GPHN: variants seen among roughly 807,000 people sequenced by gnomAD.
GPHN encodes the protein gephyrin.
GPHN carries 17 observed loss-of-function variants against 95.5 expected under a neutral mutation model. The observed-to-expected ratio is 0.18, with a 90% confidence interval of 0.12 to 0.27. GPHN has a LOEUF of 0.27. Ranked by LOEUF, GPHN falls within the 10% of genes least tolerant of loss-of-function variation. The pLI is 1.00. For missense variants in GPHN, 660 were observed against 978.1 expected (o/e 0.67, Z 4.34); for synonymous variants, 320 against 322.5 (o/e 0.99, Z 0.08).
the GPHN span, chr14:67,200,519 T>A: frequency 3.5e-6 from 1 of 285,776 alleles, no homozygotes; most frequent in Non-Finnish European, 6.4e-6. Flanking sequence ...ATTTTGCAAA[T>A]GCACAGAGAA....
intron 9 of GPHN, among the ~76,000 whole-genome samples, chr14:67,007,495 T>C (rs903883826): frequency 6.6e-6 from 1 of 152,170 alleles, no homozygotes; most frequent in Admixed American, 6.5e-5. Context: ...ACTTCACCAA[T>C]TTATTAGTTT....
At chr14:67,458,549 G>C in the GPHN span, among the ~76,000 whole-genome samples, 2 of 152,130 alleles carry the variant, frequency 1.3e-5, no homozygotes, top group Non-Finnish European at 2.9e-5. Context: ...AAAAGCCTGT[G>C]AATCCCATAA....
chr14:67,650,561 A>T, the GPHN span: 1 of 640,418 alleles, frequency 1.6e-6, no homozygotes, highest in Non-Finnish European at 2.8e-6. Context: ...GGCCAAGAGG[A>T]TGAGGTGCAA....
chr14:66,776,347 G>T (rs2059382047), intron 2 of GPHN, 117 bp from the exon 3 acceptor site: 1 of 760,608 alleles, frequency 1.3e-6, no homozygotes, highest in Admixed American at 1.8e-5. Context: ...TTCCTCCATG[G>T]TTGTTGGGGT....
At chr14:66,806,209 G>C (rs778441334) in intron 3 of GPHN, among the ~76,000 whole-genome samples, 13 of 152,176 alleles carry the variant, frequency 8.5e-5, no homozygotes, top group Non-Finnish European at 1.8e-4. Flanking sequence ...TTCAGCCACT[G>C]CTGGAGCGGC....
At chr14:67,633,170 A>G in the GPHN span, among the ~76,000 whole-genome samples, 4 of 151,938 alleles carry the variant, frequency 2.6e-5, no homozygotes, top group African/African-American at 9.7e-5. Context: ...ATTAAGTTAC[A>G]CTTTTTAGGT....
rs142048522 is a variant in GPHN at position 66,553,668 on chromosome 14, C to A, written c.64+45077C>A. Among the ~76,000 whole-genome samples the A allele has an allele frequency of 4.2e-3, 640 of 152,230 alleles. 1 individual carries two copies. The highest frequency in any genetic ancestry group is 6.8e-3 in the Middle Eastern group (2 of 294). Reference sequence around the variant, plus strand: ...CTCTGTTCACTGCAACTTCTGCCTCCCGGGTTCAAGCAATTCTCCTGCGTC... The same window carrying A: ...CTCTGTTCACTGCAACTTCTGCCTCACGGGTTCAAGCAATTCTCCTGCGTC... On this transcript the variant is annotated intron_variant, in intron 1 of 22. Transcript: ENST00000478722.
the GPHN span, among the ~76,000 whole-genome samples, chr14:67,598,177 A>G: frequency 6.6e-6 from 1 of 152,184 alleles, no homozygotes; most frequent in African/African-American, 2.4e-5. Flanking sequence ...ACTCTCATAA[A>G]CAGTTTTGAA....
At chr14:67,521,359 C>T in the GPHN span, among the ~76,000 whole-genome samples, 2 of 152,116 alleles carry the variant, frequency 1.3e-5, no homozygotes, top group South Asian at 2.1e-4. Context: ...TAAAATGTCA[C>T]AGAGGGATGG....
At chr14:66,542,760 A>T (rs1224036466) in intron 1 of GPHN, among the ~76,000 whole-genome samples, 1 of 152,184 alleles carries the variant, frequency 6.6e-6, no homozygotes, top group African/African-American at 2.4e-5. Flanking sequence ...CCTTGAAAGG[A>T]TTATCTGTGC....
At chr14:67,316,158 G>A in the GPHN span, among the ~76,000 whole-genome samples, 1 of 152,144 alleles carries the variant, frequency 6.6e-6, no homozygotes, top group Admixed American at 6.5e-5. Flanking sequence ...GAAGCCACTT[G>A]TATCCTATAG....
chr14:66,772,818 A>G (rs2059230172), intron 2 of GPHN, among the ~76,000 whole-genome samples: 1 of 152,244 alleles, frequency 6.6e-6, no homozygotes, highest in Non-Finnish European at 1.5e-5. Flanking sequence ...ACAAAAAGCA[A>G]TAACGTATAC....
the GPHN span, among the ~76,000 whole-genome samples, chr14:67,671,176 A>G: frequency 6.6e-6 from 1 of 152,164 alleles, no homozygotes; most frequent in African/African-American, 2.4e-5. Flanking sequence ...TTCTAGGGAT[A>G]TGTATATATT....
intron 9 of GPHN, among the ~76,000 whole-genome samples, chr14:66,970,380 G>C (rs1164144909): frequency 6.6e-6 from 1 of 152,206 alleles, no homozygotes; most frequent in Non-Finnish European, 1.5e-5. Context: ...CTGAAAGGCA[G>C]TGTGAATTCC....
the GPHN span, among the ~76,000 whole-genome samples, chr14:67,709,701 T>A: frequency 6.6e-6 from 1 of 152,204 alleles, no homozygotes; most frequent in Non-Finnish European, 1.5e-5. Context: ...TGGCATCTTC[T>A]ACCAGGCCTG....
the GPHN span, among the ~76,000 whole-genome samples, chr14:67,651,982 A>G: frequency 6.6e-6 from 1 of 152,344 alleles, no homozygotes; most frequent in African/African-American, 2.4e-5. Context: ...TTGTTTACAT[A>G]AAGAATCCAA....
the GPHN span, among the ~76,000 whole-genome samples, chr14:67,322,531 C>T: frequency 2.0e-5 from 3 of 151,998 alleles, no homozygotes; most frequent in African/African-American, 7.3e-5. Flanking sequence ...AAGAGATGTA[C>T]ATAAAGGAGA....
chr14:67,276,344 C>T, the GPHN span, among the ~76,000 whole-genome samples: 3 of 152,186 alleles, frequency 2.0e-5, no homozygotes, highest in Admixed American at 2.0e-4. Context: ...TCATACTCTT[C>T]CTTCCTATTG....
the GPHN span, among the ~76,000 whole-genome samples, chr14:67,655,347 A>G: frequency 1.3e-5 from 2 of 152,034 alleles, no homozygotes; most frequent in Non-Finnish European, 2.9e-5. Context: ...AAAAATTCCT[A>G]TGTAGGTTAA....
Sources: allele counts gnomAD v4.1 joint callset (sites outside exome capture counted in the v4.1 genomes callset), GRCh38; gene constraint gnomAD v4.1.1; transcripts MANE v1.5; gene names NCBI Gene and HGNC (gene_info 2026-07-23, HGNC 2026-07-21).